The following TMPRSS7 variants were observed in gnomAD, a reference collection of about 807,000 sequenced individuals.
TMPRSS7 encodes the protein transmembrane serine protease 7.
TMPRSS7 carries 81 observed loss-of-function variants against 95.6 expected under a neutral mutation model. That is an observed-to-expected ratio of 0.85 (90% confidence interval 0.71 to 1.02). TMPRSS7 has a LOEUF of 1.02. Among genes scored for constraint, TMPRSS7 ranks in the 50% least tolerant of loss-of-function variants. The probability of loss-of-function intolerance (pLI) is 0.00; values close to 1 mark genes in which losing one functional copy is unlikely to be tolerated. For synonymous variants in TMPRSS7, 364 were observed against 337.8 expected, an observed-to-expected ratio of 1.08 and a Z score of -0.85; for missense variants, 945 against 955.2, an observed-to-expected ratio of 0.99 and a Z score of 0.14.
rs147486302 is a variant in TMPRSS7 at position 112,038,290 on chromosome 3, C to T, written c.267C>T (p.Val89=). 4.7e-3 allele frequency: 3,323 copies of T among 702,874 alleles called. 12 individuals are homozygous for T. Among genetic ancestry groups the T allele is most frequent in the Non-Finnish European group, 6.0e-3 (2,320 of 384,922 alleles). The allele number at this position is 702,874 out of a possible 1,614,324, so 43.5% of individuals were successfully genotyped here. A position where few individuals can be genotyped will look rare whatever the true frequency, so the allele number is the denominator to read the frequency against. Reference sequence around the variant, plus strand: ...CAGTATTTTTATTCATCCTAGCAGTCATAGCCTGGACACTTCTGTGGCTGT... The same window carrying T: ...CAGTATTTTTATTCATCCTAGCAGTTATAGCCTGGACACTTCTGTGGCTGT... Residue 89 remains valine, a synonymous_variant, in exon 2 of 18, where the codon GTC becomes GTT. Transcript: ENST00000452346.
intron 9 of TMPRSS7, among the ~76,000 whole-genome samples, chr3:112,056,340 C>T (rs1416101983): frequency 6.6e-6 from 1 of 152,162 alleles, no homozygotes; most frequent in African/African-American, 2.4e-5. Context: ...AAATTTGACT[C>T]TCTTAAATAT....
chr3:112,047,706 A>T (rs2073296693), intron 6 of TMPRSS7, 33 bp from the exon 7 acceptor site: 7 of 1,476,780 alleles, frequency 4.7e-6, no homozygotes, highest in Non-Finnish European at 6.5e-6. Context: ...CTAAAAAAAA[A>T]GAAAATAAAG....
At chr3:112,071,540 T>C (rs1024344699) in intron 13 of TMPRSS7, among the ~76,000 whole-genome samples, 27 of 152,216 alleles carry the variant, frequency 1.8e-4, no homozygotes, top group Admixed American at 1.3e-4. Context: ...CTGCAGAGTG[T>C]TTTCCAACTT....
chr3:112,068,748 T>C (rs1197010062), intron 13 of TMPRSS7, among the ~76,000 whole-genome samples: 1 of 152,212 alleles, frequency 6.6e-6, no homozygotes, highest in East Asian at 1.9e-4. Context: ...TTTCTAAATA[T>C]ACAATCATGT....
exon 14 of TMPRSS7, chr3:112,074,397 G>A (rs770772785): frequency 1.8e-5 from 29 of 1,612,068 alleles, no homozygotes; most frequent in Non-Finnish European, 2.0e-5. Context: ...AGATGGAAGT[G>A]ATGAAGAAGG....
chr3:112,049,801 T>A, intron 7 of TMPRSS7, 43 bp from the exon 8 acceptor site: 1 of 1,455,126 alleles, frequency 6.9e-7, no homozygotes, highest in Non-Finnish European at 9.2e-7. Context: ...ATTTCTCAAA[T>A]AACGTATTAT....
exon 13 of TMPRSS7, chr3:112,066,450 T>C: frequency 6.2e-7 from 1 of 1,614,036 alleles, no homozygotes; most frequent in Non-Finnish European, 8.5e-7. Flanking sequence ...CTCTCATCTG[T>C]GATGGCTTCA....
At chr3:112,060,776 A>T (rs771106383) in intron 10 of TMPRSS7, among the ~76,000 whole-genome samples, 3 of 152,136 alleles carry the variant, frequency 2.0e-5, no homozygotes, top group Non-Finnish European at 2.9e-5. Context: ...TTACAAAATG[A>T]TGGGATTAAG....
chr3:112,038,456 A>C (rs1218058647), intron 2 of TMPRSS7, 135 bp downstream of exon 2: 2 of 596,902 alleles, frequency 3.4e-6, no homozygotes, highest in Non-Finnish European at 5.9e-6. Context: ...CATTTCCAAA[A>C]CTGGTGTTGA....
Position 112,074,454 on chromosome 3 carries a change from T to A in TMPRSS7, c.1783+42T>A, listed in dbSNP as rs762274303. 2.8e-6 allele frequency: 4 copies of A among 1,434,884 alleles called. No individual in the cohort carries two copies. In the South Asian group the frequency reaches 3.6e-5, roughly 13 times the overall value. 88.9% of individuals were successfully genotyped at this position (1,434,884 alleles called of 1,614,324 possible). On this transcript the variant is annotated intron_variant, in intron 14 of 17. Coordinates refer to ENST00000452346, the Ensembl canonical transcript of TMPRSS7. Reference sequence around the variant, plus strand: ...TCCTTTGGGTTCCTGTATTCCCTCTTCAGTTTACCTGTTTGTTATATTTTC... The same window carrying A: ...TCCTTTGGGTTCCTGTATTCCCTCTACAGTTTACCTGTTTGTTATATTTTC...
At chr3:112,038,020 A>G (rs1218679304) in intron 1 of TMPRSS7, 52 bp from the exon 2 acceptor site, 1 of 688,190 alleles carries the variant, frequency 1.5e-6, no homozygotes. Flanking sequence ...AGTTTCATTT[A>G]AGATCCTGTC....
chr3:112,060,341 G>T (rs2073485541), intron 10 of TMPRSS7, among the ~76,000 whole-genome samples: 1 of 152,146 alleles, frequency 6.6e-6, no homozygotes, highest in Admixed American at 6.6e-5. Context: ...CAACCGGTCT[G>T]ACCAAAAATT....
At chr3:112,044,142 G>GTTGC in intron 3 of TMPRSS7, 113 bp from the exon 4 acceptor site, 2 of 686,996 alleles carry the variant, frequency 2.9e-6, no homozygotes, top group Middle Eastern at 7.3e-4. Context: ...CCTTTATTTT[G>GTTGC]AGGCTTGCAT....
Position 112,061,824 on chromosome 3 carries a change from C to T in TMPRSS7, c.1348C>T (p.Arg450Ter), listed in dbSNP as rs340142. ...CTACATGGATCATCAGACAATTTTTCGAGTGCCCAGCCCTCTGGTTCACAT... is the reference window on the plus strand; with the variant it reads ...CTACATGGATCATCAGACAATTTTTTGAGTGCCCAGCCCTCTGGTTCACAT... Residue 450 changes from arginine to a stop codon, truncating the protein, a stop_gained, in exon 11 of 18, where the codon CGA (arginine) becomes TGA (stop). Transcript: ENST00000452346. LOFTEE classifies it high-confidence loss of function. The T allele has an allele frequency of 2.0e-3, 3,191 of 1,611,300 alleles. 50 individuals carry two copies. The African/African-American group carries it at 0.037, about 19-fold the overall frequency.
At chr3:112,071,947 G>A (rs1275740363) in intron 13 of TMPRSS7, among the ~76,000 whole-genome samples, 1 of 152,126 alleles carries the variant, frequency 6.6e-6, no homozygotes, top group Non-Finnish European at 1.5e-5. Context: ...GCCTACTTCT[G>A]TCAACTTGTC....
intron 17 of TMPRSS7, 45 bp downstream of exon 17, chr3:112,078,923 A>T: frequency 6.2e-7 from 1 of 1,600,170 alleles, no homozygotes; most frequent in South Asian, 1.1e-5. Flanking sequence ...TGTGCTTTCC[A>T]TAAATGCTTT....
At chr3:112,061,697 A>G in intron 10 of TMPRSS7, 90 bp from the exon 11 acceptor site, 5 of 1,429,750 alleles carry the variant, frequency 3.5e-6, no homozygotes, top group Non-Finnish European at 4.7e-6. Flanking sequence ...TGAAAACCAA[A>G]TGACCAAAGT....
At chr3:112,065,557 A>G (rs561674366) in intron 12 of TMPRSS7, among the ~76,000 whole-genome samples, 25 of 152,266 alleles carry the variant, frequency 1.6e-4, no homozygotes, top group Admixed American at 7.8e-4. Flanking sequence ...TTTGGTAATC[A>G]TTATTCCTCA....
At chr3:112,044,824 G>A (rs1321024806) in intron 4 of TMPRSS7, among the ~76,000 whole-genome samples, 1 of 148,260 alleles carries the variant, frequency 6.7e-6, no homozygotes, top group African/African-American at 2.5e-5. Flanking sequence ...GCACTGAGAA[G>A]CCTTGGAGTA....
Sources: gnomAD v4.1 joint callset for allele counts (sites outside exome capture counted in the v4.1 genomes callset) on GRCh38, gnomAD v4.1.1 for gene constraint, MANE v1.5 for transcripts, NCBI Gene and HGNC (gene_info 2026-07-23, HGNC 2026-07-21) for gene names.